Variants in CCNQ observed in about 807,000 individuals in gnomAD.
CCNQ encodes cyclin-Q.
A neutral mutation model predicts 17.7 loss-of-function variants in CCNQ; 3 were observed. That is an observed-to-expected ratio of 0.17 (90% CI 0.08 to 0.44). The LOEUF (loss-of-function observed/expected upper bound fraction) is 0.44, where lower values mean the gene tolerates loss of function less well. Ranked by LOEUF, CCNQ falls within the 20% of genes least tolerant of loss-of-function variation. CCNQ has a pLI of 0.99. For missense variants in CCNQ, 146 were observed against 222.6 expected, an observed-to-expected ratio of 0.66 and a Z score of 2.19; for synonymous variants, 73 against 96.0, an observed-to-expected ratio of 0.76 and a Z score of 1.40.
At chrX:153,596,927 C>T (rs1188757489) in intron 1 of CCNQ, among the ~76,000 whole-genome samples, 1 of 111,926 alleles carries the variant, frequency 8.9e-6, no homozygotes, top group African/African-American at 3.3e-5. Context: ...CCCAGGAATT[C>T]GAGACCAGCC....
At chrX:153,594,800 G>T in intron 2 of CCNQ, 121 bp from the exon 3 acceptor site, 1 of 765,237 alleles carries the variant, frequency 1.3e-6, no homozygotes, top group East Asian at 3.4e-5. Context: ...GCAGATTCAT[G>T]GAGGGTCATT....
intron 3 of CCNQ, among the ~76,000 whole-genome samples, 199 bp from the exon 4 acceptor site, chrX:153,592,932 G>A (rs1486216112): frequency 5.4e-5 from 6 of 111,637 alleles, no homozygotes; most frequent in Admixed American, 2.8e-4. Flanking sequence ...CGCACTTGCT[G>A]AGCCCTCTGC....
intron 4 of CCNQ, among the ~76,000 whole-genome samples, chrX:153,589,100 G>C (rs782525050): frequency 8.9e-6 from 1 of 112,803 alleles, no homozygotes; most frequent in African/African-American, 3.2e-5. Flanking sequence ...ATCCTGCCCC[G>C]TGTGAGCGTC....
At chrX:153,594,245 T>C (rs979602106) in intron 3 of CCNQ, among the ~76,000 whole-genome samples, 12 of 112,506 alleles carry the variant, frequency 1.1e-4, no homozygotes, top group Non-Finnish European at 1.9e-4. Context: ...GCACACCATC[T>C]ATATGGACCA....
chrX:153,596,522 T>C (rs1324522070), intron 1 of CCNQ, among the ~76,000 whole-genome samples: 1 of 112,680 alleles, frequency 8.9e-6, no homozygotes, highest in Non-Finnish European at 1.9e-5. Context: ...GACCGCTCAG[T>C]TAGCAACTGG....
chrX:153,594,081 T>G (rs1049005357), intron 3 of CCNQ, among the ~76,000 whole-genome samples: 1 of 112,941 alleles, frequency 8.9e-6, no homozygotes, highest in South Asian at 3.6e-4. Flanking sequence ...TTCCTAGAAG[T>G]TAAAGCATGC....
At position 153,596,100 on chromosome X, in the gene CCNQ, T is replaced by C. The variant is rs781987078; in HGVS notation, c.200A>G (p.Tyr67Cys). The C allele has an allele frequency of 7.1e-5, 86 of 1,210,900 alleles. No individual in the cohort carries two copies. Among genetic ancestry groups the C allele is most frequent in the Middle Eastern group, 2.3e-4 (1 of 4,356 alleles). ...KFFCETNLDA[Y>C]DPYLIAMSSI... is the part of the protein sequence containing the mutation. ...AGACATGGCAATCAGGTAAGGGTCA[T>C]AGGCGTCCAGGTTGGTCTCGCAAAA... Residue 67 changes from tyrosine (Y) to cysteine (C), a missense_variant, in exon 2 of 5, where the codon TAT becomes TGT. Tyr to Cys is a radical substitution (Grantham distance 194, BLOSUM62 -2). Coordinates refer to ENST00000576892, the MANE Select transcript of CCNQ (RefSeq NM_152274.5).
At chrX:153,590,049 G>A (rs1432425659) in intron 4 of CCNQ, among the ~76,000 whole-genome samples, 1 of 108,636 alleles carries the variant, frequency 9.2e-6, no homozygotes. Context: ...CCAACATGGT[G>A]AAACCCCGTC....
intron 4 of CCNQ, 29 bp from the exon 5 acceptor site, chrX:153,588,483 G>A: frequency 9.4e-7 from 1 of 1,059,940 alleles, no homozygotes; most frequent in Non-Finnish European, 1.3e-6. Flanking sequence ...ACAGGTTCCA[G>A]TTAGACTCCC....
chrX:153,597,097 C>T (rs1203758561), intron 1 of CCNQ, among the ~76,000 whole-genome samples: 1 of 112,229 alleles, frequency 8.9e-6, no homozygotes, highest in Non-Finnish European at 1.9e-5. Context: ...AAAATCACTG[C>T]CCTGGTGCAC....
chrX:153,598,105 C>T (rs782253467), intron 1 of CCNQ, among the ~76,000 whole-genome samples: 1 of 111,383 alleles, frequency 9.0e-6, no homozygotes, highest in East Asian at 2.8e-4. Flanking sequence ...CGCCAACTAA[C>T]AGTATCTCCT....
intron 1 of CCNQ, 36 bp downstream of exon 1, chrX:153,598,926 G>A: frequency 9.7e-7 from 1 of 1,028,928 alleles, no homozygotes; most frequent in Non-Finnish European, 1.3e-6. Context: ...GCGGGCCGCG[G>A]CGCCGCCTGT....
Position 153,595,985 on chromosome X carries a change from C to G in CCNQ, c.296+19G>C, listed in dbSNP as rs782245696. 4.1e-6 allele frequency: 5 copies of G among 1,211,535 alleles called. No individual in the cohort carries two copies. Among genetic ancestry groups the G allele is most frequent in the Non-Finnish European group, 4.5e-6 (4 of 895,058 alleles). On this transcript the variant is annotated intron_variant, in intron 2 of 4. Transcript: ENST00000576892. ...CCCCCCACCGGGTGGAGATCAGGAG[C>G]CCAGCCAAATGCCATTACCTGTTGG...
Position 153,588,445 on chromosome X carries a change from C to T in CCNQ, c.667G>A (p.Asp223Asn). ...AEKPWWQVFNDDLTKPIIDNI... is the reference protein window; with the variant it reads ...AEKPWWQVFNNDLTKPIIDNI... ...TCAATGATTGGCTTGGTAAGGTCGT[C>T]ATTAAACACCTAGAAAGAAGAAGGA... Residue 223 changes from aspartate to asparagine, a missense_variant, in exon 5 of 5, where the codon GAC becomes AAC. By Grantham distance (23) the Asp-to-Asn change is conservative (BLOSUM62 1). Coordinates refer to ENST00000576892, the MANE Select transcript of CCNQ (RefSeq NM_152274.5). The T allele has an allele frequency of 8.3e-7, 1 of 1,199,057 alleles. No individual in the cohort carries two copies. The highest frequency in any genetic ancestry group is 1.1e-6 in the Non-Finnish European group (1 of 883,834).
intron 2 of CCNQ, among the ~76,000 whole-genome samples, chrX:153,595,721 TC>T (rs1557026860): frequency 1.8e-5 from 2 of 112,401 alleles, no homozygotes; most frequent in African/African-American, 6.5e-5. Context: ...TTGACATGCC[TC>T]TCCAAGCTCC....
chrX:153,589,269 G>A (rs1376084308), intron 4 of CCNQ, among the ~76,000 whole-genome samples: 2 of 112,864 alleles, frequency 1.8e-5, no homozygotes, highest in South Asian at 7.2e-4. Context: ...CACCTCCCAC[G>A]GAAACCCTGG....
Position 153,588,395 on chromosome X carries a change from C to A in CCNQ, c.717G>T (p.Gln239His). ...GGATCTCTGTGTCCATGGTATAAAT[C>A]TGAATGAGATCAGACACAATATTAT... ...IIDNIVSDLI[Q>H]IYTMDTEIP is the part of the protein sequence containing the mutation. Residue 239 changes from glutamine (Q) to histidine (H), a missense_variant, in exon 5 of 5, where the codon CAG (glutamine) becomes CAT (histidine). Gln to His is a conservative substitution (Grantham distance 24). Coordinates refer to ENST00000576892, the MANE Select transcript of CCNQ (RefSeq NM_152274.5). 1 of 1,210,983 alleles carries A rather than the reference C, an allele frequency of 8.3e-7. No homozygotes were observed. Among genetic ancestry groups the A allele is most frequent in the African/African-American group, 1.7e-5 (1 of 57,919 alleles).
Position 153,599,105 on chromosome X carries a change from G to A in CCNQ, c.-32C>T, listed in dbSNP as rs782757529. 8.5e-6 allele frequency: 7 copies of A among 821,686 alleles called. No individual in the cohort carries two copies. In the South Asian group the frequency reaches 1.2e-4, roughly 14 times the overall value. The allele number at this position is 821,686 out of a possible 1,213,427, so 67.7% of individuals were successfully genotyped here. A position where few individuals can be genotyped will look rare whatever the true frequency, so the allele number is the denominator to read the frequency against. ...CCGCGGCACCGGCGGAAGGAGAGGC[G>A]GCCCCGGCGCGCAGAAGCCGGCAGA... On this transcript the variant is annotated 5_prime_UTR_variant, in exon 1 of 5. Transcript: ENST00000576892.
intron 1 of CCNQ, chrX:153,597,663 G>A (rs1557027373): frequency 8.9e-6 from 1 of 112,115 alleles, no homozygotes. Context: ...ACAGGTTCCA[G>A]GGATTAGGAT....
Sources: allele counts gnomAD v4.1 joint callset (sites outside exome capture counted in the v4.1 genomes callset), GRCh38; gene constraint gnomAD v4.1.1; transcripts MANE v1.5; gene names NCBI Gene and HGNC (gene_info 2026-07-23, HGNC 2026-07-21).